STX6: variants seen among roughly 807,000 people sequenced by gnomAD.
STX6 encodes the protein syntaxin 6, also known as syntaxin-6.
In STX6, 23 loss-of-function variants were observed where a neutral mutation model predicts 38.0. The ratio of observed to expected loss-of-function variants is 0.60; its 90% CI spans 0.43 to 0.86. STX6 has a LOEUF of 0.86. STX6 is among the 40% of genes least tolerant of loss of function. The pLI, the probability that STX6 is intolerant of heterozygous loss-of-function variation, is 0.00. For synonymous variants in STX6, 123 were observed against 107.5 expected (o/e 1.14, Z -0.89); for missense variants, 274 against 312.9 (o/e 0.88, Z 0.94).
intron 1 of STX6, among the ~76,000 whole-genome samples, chr1:181,017,115 A>G (rs10797663): frequency 0.72 from 106,976 of 149,186 alleles, 38,357 homozygotes; most frequent in African/African-American, 0.78. Flanking sequence ...GGCTGGGCGC[A>G]GTGGCTCATG....
intron 7 of STX6, among the ~76,000 whole-genome samples, chr1:180,979,073 G>A (rs1655331692): frequency 6.6e-6 from 1 of 152,008 alleles, no homozygotes; most frequent in Non-Finnish European, 1.5e-5. Flanking sequence ...CAACATGCAA[G>A]AACACATGGA....
intron 1 of STX6, among the ~76,000 whole-genome samples, chr1:181,019,945 A>G (rs1656677028): frequency 6.6e-6 from 1 of 152,096 alleles, no homozygotes; most frequent in Non-Finnish European, 1.5e-5. Flanking sequence ...GGTGGATCAC[A>G]AGGTCAGGAG....
At chr1:181,022,521 T>G in intron 1 of STX6, 118 bp downstream of exon 1, 1 of 1,041,374 alleles carries the variant, frequency 9.6e-7, no homozygotes, top group South Asian at 1.4e-5. Flanking sequence ...CCGTCTCCAC[T>G]GTTCCCCCTC....
intron 3 of STX6, among the ~76,000 whole-genome samples, chr1:181,001,889 G>T (rs951478140): frequency 6.6e-6 from 1 of 152,188 alleles, no homozygotes; most frequent in Non-Finnish European, 1.5e-5. Flanking sequence ...TCGGAAATAA[G>T]CCTGACAGGC....
At chr1:180,995,439 G>A (rs533746896) in intron 3 of STX6, among the ~76,000 whole-genome samples, 9 of 152,248 alleles carry the variant, frequency 5.9e-5, no homozygotes, top group African/African-American at 9.6e-5. Context: ...TGCAGGATTC[G>A]TTTTCTGATT....
At chr1:181,015,448 CCTCCTT>C (rs1412924767) in intron 1 of STX6, among the ~76,000 whole-genome samples, 1 of 152,086 alleles carries the variant, frequency 6.6e-6, no homozygotes, top group Non-Finnish European at 1.5e-5. Flanking sequence ...GACTCCTCCT[CCTCCTT>C]ACCTTGCACA....
At position 180,973,339 on chromosome 1, in the gene STX6, C is replaced by A. The variant is rs964556017; in HGVS notation, c.*3231G>T. ...TGTTATGAATTCTCCAAAAAGGTAA[C>A]AGGGAACAGATATCCCTTTGGTCTC... On this transcript the variant is annotated 3_prime_UTR_variant, in exon 8 of 8. Transcript: ENST00000258301. 8 of 152,620 alleles carry A rather than the reference C, an allele frequency of 5.2e-5. No individual in the cohort carries two copies. The highest frequency in any genetic ancestry group is 1.9e-4 in the African/African-American group (8 of 41,466). The allele number at this position is 152,620 out of a possible 1,614,324, so 9.5% of individuals were successfully genotyped here.
chr1:180,985,152 AAAC>A (rs1444926773), intron 6 of STX6, among the ~76,000 whole-genome samples: 6 of 152,316 alleles, frequency 3.9e-5, no homozygotes, highest in African/African-American at 7.2e-5. Context: ...AAGAAAAAAA[AAAC>A]AACGAGATTT....
At chr1:181,009,470 CAAAAA>C (rs34469966) in intron 1 of STX6, among the ~76,000 whole-genome samples, 1 of 105,428 alleles carries the variant, frequency 9.5e-6, no homozygotes, top group Non-Finnish European at 1.9e-5. Flanking sequence ...CTGTTGTTTC[CAAAAA>C]AAAAAAAAAA....
At chr1:181,013,316 T>A (rs1656463903) in intron 1 of STX6, among the ~76,000 whole-genome samples, 1 of 152,170 alleles carries the variant, frequency 6.6e-6, no homozygotes, top group Non-Finnish European at 1.5e-5. Context: ...ACAACCCCCA[T>A]CATCCTTTTT....
intron 7 of STX6, among the ~76,000 whole-genome samples, chr1:180,982,430 T>C (rs1198406492): frequency 6.6e-6 from 1 of 152,252 alleles, no homozygotes; most frequent in Non-Finnish European, 1.5e-5. Flanking sequence ...CTCTGTTTCC[T>C]GGCTCTTTTT....
rs1486856588 is a variant in STX6, at chr1:180,974,547, G to A, written c.*2023C>T. 2.6e-5 allele frequency: 4 copies of A among 152,606 alleles called. No homozygotes were observed. The highest frequency in any genetic ancestry group is 5.9e-5 in the Non-Finnish European group (4 of 68,042). The allele number at this position is 152,606 out of a possible 1,614,324, so 9.5% of individuals were successfully genotyped here. ...CCTTTTGTGTGGCACAATAAATCTG[G>A]TAATAGCAGAACAATAGCATGGCTT... On this transcript the variant is annotated 3_prime_UTR_variant, in exon 8 of 8. Coordinates refer to ENST00000258301, the MANE Select transcript of STX6 (RefSeq NM_005819.6).
At chr1:180,980,829 T>C (rs10914146) in intron 7 of STX6, 15,948 of 152,152 alleles carry the variant, frequency 0.1, 874 homozygotes, top group Middle Eastern at 0.15. Context: ...ATCCAGACAA[T>C]AGAATATTAT....
At chr1:180,980,322 T>G (rs1343385657) in intron 7 of STX6, among the ~76,000 whole-genome samples, 1 of 109,118 alleles carries the variant, frequency 9.2e-6, no homozygotes, top group Non-Finnish European at 2.1e-5. Flanking sequence ...ACACACCTAT[T>G]AGAATGGTCA....
In STX6 at chr1:180,975,653, T is replaced by C. The variant is rs1421088686; in HGVS notation, c.*917A>G. ...TAGAGTGCCCTAAGAGTAAAAGAAC[T>C]GTAATGAGGACAATCTGGTATCCAA... On this transcript the variant is annotated 3_prime_UTR_variant, in exon 8 of 8. Coordinates refer to ENST00000258301, the MANE Select transcript of STX6 (RefSeq NM_005819.6). 1 of 152,206 alleles carries C rather than the reference T, an allele frequency of 6.6e-6. No homozygotes were observed. The highest frequency in any genetic ancestry group is 2.4e-5 in the African/African-American group (1 of 41,444). The allele number at this position is 152,206 out of a possible 1,614,324, so 9.4% of individuals were successfully genotyped here.
At chr1:181,021,649 C>G (rs1422478791) in intron 1 of STX6, among the ~76,000 whole-genome samples, 1 of 152,174 alleles carries the variant, frequency 6.6e-6, no homozygotes, top group Admixed American at 6.5e-5. Context: ...AGAAAACTGA[C>G]AAGTTTCTAA....
rs1655174370 is a variant in STX6, at chr1:180,973,479, T to C, written c.*3091A>G. On this transcript the variant is annotated 3_prime_UTR_variant, in exon 8 of 8. Transcript: ENST00000258301. ...CTGTTGGAGTTAGACTAGATTTCTT[T>C]TCACAGCCCTTAATCTCACGAGGTG... is the stretch of plus-strand genomic sequence containing the variant. 1 of 152,678 alleles carries C rather than the reference T, an allele frequency of 6.5e-6. No homozygotes were observed. Among genetic ancestry groups the C allele is most frequent in the Admixed American group, 6.5e-5 (1 of 15,284 alleles). The allele number at this position is 152,678 out of a possible 1,614,324, so 9.5% of individuals were successfully genotyped here.
Position 181,014,126 on chromosome 1 carries a change from G to A in STX6, c.35+8513C>T, listed in dbSNP as rs542701669. Among the ~76,000 whole-genome samples the A allele has an allele frequency of 2.0e-5, 3 of 152,308 alleles. No homozygotes were observed. In the South Asian group the frequency reaches 6.2e-4, roughly 32 times the overall value. On this transcript the variant is annotated intron_variant, in intron 1 of 7. Transcript: ENST00000258301. ...TTAATAAAAACAAACAGCCGGGCGT[G>A]GTGGCTCACGCCTGTAATCCCAGCA...
chr1:181,016,858 G>A (rs935899308), intron 1 of STX6, among the ~76,000 whole-genome samples: 9 of 151,978 alleles, frequency 5.9e-5, no homozygotes, highest in Admixed American at 1.3e-4. Context: ...AGGCCGAGGC[G>A]GGCAGATCAC....
Sources: allele counts gnomAD v4.1 joint callset (sites outside exome capture counted in the v4.1 genomes callset), GRCh38; gene constraint gnomAD v4.1.1; transcripts MANE v1.5; gene names NCBI Gene and HGNC (gene_info 2026-07-23, HGNC 2026-07-21).